Variants in RIMS1 observed in about 807,000 individuals in gnomAD.
RIMS1 encodes regulating synaptic membrane exocytosis 1.
Under a neutral mutation model 214.1 loss-of-function variants are expected in RIMS1, and 83 were observed. That is an observed-to-expected ratio of 0.39 (90% CI 0.32 to 0.47). RIMS1 has a LOEUF of 0.47. RIMS1 is among the 20% of genes least tolerant of loss of function. The pLI, the probability that RIMS1 is intolerant of heterozygous loss-of-function variation, is 0.99. For synonymous variants in RIMS1, 793 were observed against 786.8 expected (o/e 1.01, Z -0.13); for missense variants, 2,050 against 2,161.8 (o/e 0.95, Z 1.03).
At chr6:72,328,901 G>A (rs185869152) in intron 28 of RIMS1, among the ~76,000 whole-genome samples, 1,764 of 151,822 alleles carry the variant, frequency 0.012, 16 homozygotes, top group Non-Finnish European at 0.018. Context: ...CTGGCCAGCC[G>A]TCTGACAGAT....
At chr6:72,085,941 A>G (rs936790082) in intron 2 of RIMS1, among the ~76,000 whole-genome samples, 1 of 152,178 alleles carries the variant, frequency 6.6e-6, no homozygotes, top group Non-Finnish European at 1.5e-5. Context: ...TGTAAGGCAC[A>G]TAAAGCGTGT....
intron 6 of RIMS1, among the ~76,000 whole-genome samples, chr6:72,231,974 T>C (rs181745127): frequency 6.6e-6 from 1 of 151,534 alleles, no homozygotes; most frequent in East Asian, 1.9e-4. Context: ...TCCTGAGGAG[T>C]AGTTTTCAAG....
Position 72,015,476 on chromosome 6 carries a change from G to A in RIMS1, c.245+46413G>A, listed in dbSNP as rs558283466. On this transcript the variant is annotated intron_variant, in intron 2 of 33. Transcript: ENST00000521978. ...TAGAAGATCATGTTATCTGCAAATA[G>A]GAATAGTATTCTTTGTTGCTTTCCA... Among the ~76,000 whole-genome samples the A allele has an allele frequency of 1.7e-3, 258 of 152,222 alleles. 1 individual carries two copies. The highest frequency in any genetic ancestry group is 2.7e-3 in the Non-Finnish European group (187 of 68,022).
intron 29 of RIMS1, among the ~76,000 whole-genome samples, chr6:72,369,527 C>T (rs759295681): frequency 6.6e-5 from 10 of 152,144 alleles, no homozygotes; most frequent in African/African-American, 1.4e-4. Context: ...TCTCAGGCAC[C>T]GGCTAAAGCT....
intron 2 of RIMS1, among the ~76,000 whole-genome samples, chr6:72,085,568 A>G (rs974050418): frequency 3.9e-5 from 6 of 152,122 alleles, no homozygotes; most frequent in African/African-American, 1.4e-4. Flanking sequence ...ATGAAATGAG[A>G]TGACAGATCT....
intron 6 of RIMS1, among the ~76,000 whole-genome samples, chr6:72,207,324 G>A (rs1393392599): frequency 3.3e-5 from 5 of 152,168 alleles, no homozygotes; most frequent in Non-Finnish European, 2.9e-5. Context: ...TGAGACATAC[G>A]CTCCTGTGTA....
chr6:72,332,091 C>A (rs929646170), intron 28 of RIMS1, among the ~76,000 whole-genome samples: 2 of 151,756 alleles, frequency 1.3e-5, no homozygotes, highest in Non-Finnish European at 2.9e-5. Context: ...GTTACATAAT[C>A]CCAACACTTT....
chr6:72,116,751 A>G (rs1379554635), intron 4 of RIMS1, among the ~76,000 whole-genome samples: 1 of 152,006 alleles, frequency 6.6e-6, no homozygotes, highest in Non-Finnish European at 1.5e-5. Context: ...CTGAAATTTT[A>G]TGTGTCATGA....
At position 72,249,607 on chromosome 6, in the gene RIMS1, CA is replaced by C. The variant is rs2072107355; in HGVS notation, c.2242-717del. ...CAACATAGCAAGACCCCCGATTCCACAAAAAATTTAAAAAACTGGCCAGACA... is the reference window on the plus strand; with the variant it reads ...CAACATAGCAAGACCCCCGATTCCACAAAAATTTAAAAAACTGGCCAGACA... On this transcript the variant is annotated intron_variant, in intron 12 of 33. Coordinates refer to ENST00000521978, the MANE Select transcript of RIMS1 (RefSeq NM_014989.7). Among the ~76,000 whole-genome samples the C allele has an allele frequency of 2.0e-5, 3 of 151,968 alleles. 1 individual carries two copies. The South Asian group carries it at 6.2e-4, about 31-fold the overall frequency.
At chr6:72,301,416 A>G (rs1356964056) in intron 26 of RIMS1, among the ~76,000 whole-genome samples, 1 of 151,762 alleles carries the variant, frequency 6.6e-6, no homozygotes, top group East Asian at 1.9e-4. Context: ...ATAAGGATCA[A>G]CATGAAAATA....
At chr6:72,276,131 T>C (rs2086273108) in intron 23 of RIMS1, among the ~76,000 whole-genome samples, 1 of 152,140 alleles carries the variant, frequency 6.6e-6, no homozygotes, top group Admixed American at 6.6e-5. Context: ...ACACACAGTC[T>C]GTGAGCCCAG....
intron 4 of RIMS1, among the ~76,000 whole-genome samples, chr6:72,119,772 C>G (rs1406549631): frequency 6.6e-6 from 1 of 151,542 alleles, no homozygotes; most frequent in Non-Finnish European, 1.5e-5. Flanking sequence ...TCATTTACAT[C>G]AGGTATTTCT....
At chr6:72,344,541 T>C (rs1266041889) in intron 29 of RIMS1, among the ~76,000 whole-genome samples, 1 of 151,834 alleles carries the variant, frequency 6.6e-6, no homozygotes, top group Non-Finnish European at 1.5e-5. Context: ...TATTGCCTCA[T>C]TTACTTGATT....
chr6:72,268,208 CAAGAGTGGTG>C (rs1354137297), intron 22 of RIMS1, among the ~76,000 whole-genome samples: 1 of 152,064 alleles, frequency 6.6e-6, no homozygotes, highest in Admixed American at 6.6e-5. Flanking sequence ...ATAACAATAT[CAAGAGTGGTG>C]ACTTTGTTAT....
At chr6:72,176,551 G>A (rs1056744084) in intron 4 of RIMS1, among the ~76,000 whole-genome samples, 1 of 152,014 alleles carries the variant, frequency 6.6e-6, no homozygotes, top group Admixed American at 6.6e-5. Context: ...AGACTGGGAG[G>A]TGATATTTTG....
intron 29 of RIMS1, among the ~76,000 whole-genome samples, chr6:72,377,638 A>G (rs1172976654): frequency 6.6e-6 from 1 of 152,154 alleles, no homozygotes; most frequent in Non-Finnish European, 1.5e-5. Flanking sequence ...TGAACATAAT[A>G]TATTCTTATA....
intron 1 of RIMS1, among the ~76,000 whole-genome samples, chr6:71,888,524 G>A (rs1768563696): frequency 6.6e-6 from 1 of 152,182 alleles, no homozygotes; most frequent in African/African-American, 2.4e-5. Context: ...AGAAGATGCT[G>A]CCGAAGAAGA....
At chr6:71,927,826 A>G (rs922095356) in intron 1 of RIMS1, among the ~76,000 whole-genome samples, 1 of 152,154 alleles carries the variant, frequency 6.6e-6, no homozygotes, top group African/African-American at 2.4e-5. Context: ...TATTTGAAAA[A>G]TAGAATTCAA....
At chr6:72,238,032 T>G (rs2065013390) in intron 9 of RIMS1, 110 bp downstream of exon 9, 1 of 580,122 alleles carries the variant, frequency 1.7e-6, no homozygotes, top group South Asian at 2.8e-5. Context: ...CATACATGTA[T>G]GTATGTATAT....
Sources: allele counts gnomAD v4.1 joint callset (sites outside exome capture counted in the v4.1 genomes callset), GRCh38; gene constraint gnomAD v4.1.1; transcripts MANE v1.5; gene names NCBI Gene and HGNC (gene_info 2026-07-23, HGNC 2026-07-21).